Variants in SLC41A3 observed in about 807,000 individuals in gnomAD.
SLC41A3 encodes solute carrier family 41 member 3, also known as SLC41A1-like 2.
Under a neutral mutation model 45.4 loss-of-function variants are expected in SLC41A3, and 44 were observed. That is an observed-to-expected ratio of 0.97 (90% CI 0.76 to 1.25). SLC41A3 has a LOEUF of 1.25. Among genes scored for constraint, SLC41A3 ranks in the 50% most tolerant of loss-of-function variants. The pLI is 0.00. For missense variants in SLC41A3, 550 were observed against 600.6 expected, an observed-to-expected ratio of 0.92 and a Z score of 0.88; for synonymous variants, 256 against 252.4, an observed-to-expected ratio of 1.01 and a Z score of -0.13.
At chr3:126,008,135 C>T (rs1000996362) in intron 10 of SLC41A3, among the ~76,000 whole-genome samples, 1 of 152,244 alleles carries the variant, frequency 6.6e-6, no homozygotes, top group African/African-American at 2.4e-5. Context: ...CAGGGCTGCT[C>T]CTCTTATCCT....
chr3:126,074,710 T>C (rs1437314409), intron 1 of SLC41A3, among the ~76,000 whole-genome samples: 1 of 152,078 alleles, frequency 6.6e-6, no homozygotes. Flanking sequence ...AGACAGGCTC[T>C]CACTCTGTCA....
chr3:126,017,329 C>G (rs1940403835), intron 6 of SLC41A3, among the ~76,000 whole-genome samples: 2 of 152,204 alleles, frequency 1.3e-5, no homozygotes, highest in Non-Finnish European at 2.9e-5. Context: ...CAGCAAGCAG[C>G]CCCGTCAGGG....
In SLC41A3 at chr3:126,020,206, C is replaced by T. The variant is rs550999587; in HGVS notation, c.745+2580G>A. On this transcript the variant is annotated intron_variant, in intron 6 of 10. Transcript: ENST00000360370. ...GGCCAAGGAGCGCTGCACTGGGATA[C>T]AGGGAACAGAGTCCCTAGGTGGCCC... Among the ~76,000 whole-genome samples, 128 of 152,218 alleles carry T rather than the reference C, an allele frequency of 8.4e-4. 2 individuals carry two copies. The highest frequency in any genetic ancestry group is 2.8e-3 in the African/African-American group (118 of 41,530).
chr3:126,086,498 CTG>C (rs57609698), upstream of SLC41A3, among the ~76,000 whole-genome samples: 6,292 of 132,970 alleles, frequency 0.047, 159 homozygotes, highest in African/African-American at 0.055. Flanking sequence ...GCTATAGGAT[CTG>C]TGTGTGTGTG....
intron 2 of SLC41A3, 131 bp from the exon 3 acceptor site, chr3:126,051,181 T>C (rs1943308588): frequency 9.5e-7 from 1 of 1,056,802 alleles, no homozygotes; most frequent in East Asian, 2.8e-5. Flanking sequence ...AGTACTTTCT[T>C]AAATGGCTTT....
Position 126,026,161 on chromosome 3 carries a change from G to T in SLC41A3, c.598+174C>A. On this transcript the variant is annotated intron_variant, in intron 5 of 10. Transcript: ENST00000360370. This position sits in a 1 kb window ranked among gnomAD's most constrained non-coding sequence, Gnocchi z 4.2. ...CTGCCTGGGTGAGGGCACAAGGTGGGCCATGAAGACCCAGCTGGCTCGTCC... is the reference window on the plus strand; with the variant it reads ...CTGCCTGGGTGAGGGCACAAGGTGGTCCATGAAGACCCAGCTGGCTCGTCC... The T allele has an allele frequency of 2.1e-6, 2 of 944,796 alleles. No individual in the cohort carries two copies. Among genetic ancestry groups the T allele is most frequent in the Non-Finnish European group, 3.1e-6 (2 of 640,624 alleles). The allele number at this position is 944,796 out of a possible 1,614,324, so 58.5% of individuals were successfully genotyped here.
At chr3:126,021,618 C>G (rs890799836) in intron 6 of SLC41A3, among the ~76,000 whole-genome samples, 3 of 152,122 alleles carry the variant, frequency 2.0e-5, no homozygotes, top group African/African-American at 7.2e-5. Context: ...CCTTCTCCTG[C>G]TCATTATTTC....
At chr3:126,044,886 A>C in intron 3 of SLC41A3, among the ~76,000 whole-genome samples, 2 of 107,660 alleles carry the variant, frequency 1.9e-5, no homozygotes, top group African/African-American at 3.6e-5. Context: ...ACAGAGCGAG[A>C]CTCCATCTCA....
chr3:126,091,845 T>C (rs1435724264), intron 1 of SLC41A3, among the ~76,000 whole-genome samples: 1 of 152,184 alleles, frequency 6.6e-6, no homozygotes, highest in African/African-American at 2.4e-5. Context: ...TGTTGGTGTC[T>C]TATTGCTACA....
At chr3:126,056,088 G>A (rs1576322815) in intron 2 of SLC41A3, among the ~76,000 whole-genome samples, 2 of 152,310 alleles carry the variant, frequency 1.3e-5, no homozygotes, top group African/African-American at 4.8e-5. Flanking sequence ...GAGGAAGGCG[G>A]TTTGAGCTCC....
chr3:126,088,408 C>A (rs73859010), upstream of SLC41A3, among the ~76,000 whole-genome samples: 1 of 151,982 alleles, frequency 6.6e-6, no homozygotes, highest in Non-Finnish European at 1.5e-5. Context: ...AATTTAAAAT[C>A]TTAAAGTCAT....
intron 2 of SLC41A3, among the ~76,000 whole-genome samples, chr3:126,059,752 TGTTGCAGAAG>T (rs1018535893): frequency 6.6e-5 from 10 of 152,052 alleles, no homozygotes; most frequent in South Asian, 2.1e-4. Context: ...CTGAGAGAAG[TGTTGCAGAAG>T]GTTACTGGTT....
chr3:126,085,083 T>G (rs1945347808), upstream of SLC41A3, among the ~76,000 whole-genome samples: 2 of 152,262 alleles, frequency 1.3e-5, no homozygotes, highest in African/African-American at 4.8e-5. Flanking sequence ...CCCAGGTCTT[T>G]GGACAAACTC....
intron 3 of SLC41A3, 68 bp downstream of exon 3, chr3:126,050,875 G>C: frequency 6.5e-7 from 1 of 1,535,984 alleles, no homozygotes; most frequent in Non-Finnish European, 8.8e-7. Context: ...CAAGCCAGGG[G>C]AGACCAGGTG....
intron 4 of SLC41A3, among the ~76,000 whole-genome samples, chr3:126,029,729 T>C (rs935889876): frequency 3.9e-5 from 6 of 152,166 alleles, no homozygotes; most frequent in Non-Finnish European, 7.4e-5. Flanking sequence ...TGTGCAAGAA[T>C]AGCTAAGACA....
chr3:126,078,968 TC>T (rs1335246510), intron 1 of SLC41A3: 1 of 152,276 alleles, frequency 6.6e-6, no homozygotes, highest in African/African-American at 2.4e-5. Context: ...CACAGTGTGT[TC>T]TCACCTCCCC....
chr3:126,030,973 C>T lies in SLC41A3; in HGVS notation c.453+2634G>A, dbSNP rs147950717. ...CAAAAGAAACATTTGTGTATTTGTACAAAGCATTCACAGCTGATATTTACT... is the reference window on the plus strand; with the variant it reads ...CAAAAGAAACATTTGTGTATTTGTATAAAGCATTCACAGCTGATATTTACT... On this transcript the variant is annotated intron_variant, in intron 4 of 10. Transcript: ENST00000360370. 4.6e-5 allele frequency among the ~76,000 whole-genome samples: 7 copies of T among 152,238 alleles called. No homozygotes were observed. In the East Asian group the frequency reaches 1.4e-3, roughly 29 times the overall value.
intron 2 of SLC41A3, among the ~76,000 whole-genome samples, chr3:126,059,280 A>AAGAGAG (rs1491311568): frequency 7.2e-6 from 1 of 139,438 alleles, no homozygotes; most frequent in Non-Finnish European, 1.6e-5. Flanking sequence ...GAAAGAAAGA[A>AAGAGAG]AGAAAGAAAG....
intron 9 of SLC41A3, among the ~76,000 whole-genome samples, chr3:126,009,447 T>G (rs1939470369): frequency 1.3e-5 from 2 of 152,246 alleles, no homozygotes; most frequent in Admixed American, 1.3e-4. Flanking sequence ...CAGTGAGCCC[T>G]GGGTTTCCTT....
Sources: gnomAD v4.1 joint callset for allele counts (sites outside exome capture counted in the v4.1 genomes callset) on GRCh38, gnomAD v4.1.1 for gene constraint, Gnocchi (gnomAD v3.1) non-coding constraint, MANE v1.5 for transcripts, NCBI Gene and HGNC (gene_info 2026-07-23, HGNC 2026-07-21) for gene names.